Variants in POLR2J observed in about 807,000 individuals in gnomAD.
POLR2J encodes DNA-directed RNA polymerase II subunit RPB11-a.
POLR2J carries 12 observed loss-of-function variants against 13.4 expected under a neutral mutation model. That is an observed-to-expected ratio of 0.90 (90% CI 0.57 to 1.45). The LOEUF (loss-of-function observed/expected upper bound fraction) is 1.45. Ranked by LOEUF, POLR2J falls within the 40% of genes most tolerant of loss-of-function variation. The probability of loss-of-function intolerance (pLI) is 0.00; values close to 1 mark genes in which losing one functional copy is unlikely to be tolerated. For synonymous variants in POLR2J, 31 were observed against 53.6 expected, an observed-to-expected ratio of 0.58 and a Z score of 1.84; for missense variants, 58 against 132.0, an observed-to-expected ratio of 0.44 and a Z score of 2.75.
At position 102,473,712 on chromosome 7, in the gene POLR2J, G is replaced by C. The variant is rs377030778; in HGVS notation, c.319-28C>G. ...GGGAGAGAAGAAGGTGGTGGAGACT[G>C]AGCTGGAACAGCTGGGGCAAGGACG... On this transcript the variant is annotated intron_variant, in intron 3 of 3. Coordinates refer to ENST00000292614, the MANE Select transcript of POLR2J (RefSeq NM_006234.6). The C allele has an allele frequency of 4.3e-6, 7 of 1,613,504 alleles. No individual in the cohort carries two copies. In the African/African-American group the frequency reaches 8.0e-5, roughly 18 times the overall value.
Position 102,473,205 on chromosome 7 carries a change from G to A in POLR2J, c.*444C>T. 2.2e-6 allele frequency: 2 copies of A among 893,212 alleles called. No individual in the cohort carries two copies. Among genetic ancestry groups the A allele is most frequent in the South Asian group, 3.6e-5 (2 of 55,600 alleles). The allele number at this position is 893,212 out of a possible 1,614,324, so 55.3% of individuals were successfully genotyped here. ...GGTGTTTCGAGTTATGCAGGAAGAA[G>A]TGTTCCTGCTTTGACTGACAGGCAG... On this transcript the variant is annotated 3_prime_UTR_variant, in exon 4 of 4. Coordinates refer to ENST00000292614, the MANE Select transcript of POLR2J (RefSeq NM_006234.6).
At chr7:102,473,931 C>T in intron 3 of POLR2J, 6 of 1,434,766 alleles carry the variant, frequency 4.2e-6, no homozygotes, top group Non-Finnish European at 5.5e-6. Context: ...ACGTTGAAAT[C>T]CCCCAAGCTG....
At chr7:102,475,235 C>A (rs1363923929) in intron 2 of POLR2J, among the ~76,000 whole-genome samples, 1 of 152,272 alleles carries the variant, frequency 6.6e-6, no homozygotes, top group Non-Finnish European at 1.5e-5. Flanking sequence ...GCAGACCCCA[C>A]TCACAGACGG....
rs1380707356 is a variant in POLR2J at position 102,475,785 on chromosome 7, C to T, written c.143+396G>A. 3.0e-4 allele frequency among the ~76,000 whole-genome samples: 45 copies of T among 147,560 alleles called. No individual in the cohort carries two copies. The East Asian group carries it at 3.3e-3, about 11-fold the overall frequency. On this transcript the variant is annotated intron_variant, in intron 2 of 3. Coordinates refer to ENST00000292614, the MANE Select transcript of POLR2J (RefSeq NM_006234.6). ...AAAAACACAAAAATTAGCCGGGCAT[C>T]GTGGCGTGGGCCTGTAGTCCCAGCT...
At chr7:102,474,155 C>G (rs1332616246) in intron 3 of POLR2J, 1 of 1,531,708 alleles carries the variant, frequency 6.5e-7, no homozygotes, top group Non-Finnish European at 8.8e-7. Context: ...CTACAGAAGT[C>G]CCATGGGGCA....
Position 102,473,129 on chromosome 7 carries a change from T to G in POLR2J, c.*520A>C. 7.0e-7 allele frequency: 1 copy of G among 1,430,698 alleles called. No individual in the cohort carries two copies. The allele number at this position is 1,430,698 out of a possible 1,614,324, so 88.6% of individuals were successfully genotyped here. ...GGCCGATGGGGGTGGGGGGGGGTCT[T>G]TCAGTGAATATTTTTATTAAACTCT... is the stretch of plus-strand genomic sequence containing the variant. On this transcript the variant is annotated 3_prime_UTR_variant, in exon 4 of 4. Transcript: ENST00000292614.
At chr7:102,475,133 GCAGCAGGGCCC>G (rs1345340912) in intron 2 of POLR2J, among the ~76,000 whole-genome samples, 3 of 152,238 alleles carry the variant, frequency 2.0e-5, no homozygotes, top group Non-Finnish European at 4.4e-5. Context: ...GAGCAGGGGA[GCAGCAGGGCCC>G]CAGGAGAGCT....
At position 102,473,874 on chromosome 7, in the gene POLR2J, G is replaced by A. The variant is rs1008217171; in HGVS notation, c.319-190C>T. The stretch of plus-strand genomic sequence containing the variant: ...CCAGCCATTCTCTATGGCAGCCCCG[G>A]CAGGAGTCAGAGGCCCCAGAGGCTT... On this transcript the variant is annotated intron_variant, in intron 3 of 3. Transcript: ENST00000292614. 3.5e-6 allele frequency: 5 copies of A among 1,441,792 alleles called. No homozygotes were observed. In the Admixed American group the frequency reaches 1.1e-4, roughly 32 times the overall value. 89.3% of individuals were successfully genotyped at this position (1,441,792 alleles called of 1,614,324 possible).
chr7:102,474,294 T>C, intron 3 of POLR2J, 67 bp downstream of exon 3: 1 of 1,610,794 alleles, frequency 6.2e-7, no homozygotes, highest in Non-Finnish European at 8.5e-7. Flanking sequence ...GCCAGGGCTG[T>C]CCCAGGCCTG....
In POLR2J at chr7:102,473,577, T is replaced by A; in HGVS notation, c.*72A>T. 6.7e-7 allele frequency: 1 copy of A among 1,496,168 alleles called. No individual in the cohort carries two copies. The highest frequency in any genetic ancestry group is 8.8e-7 in the Non-Finnish European group (1 of 1,132,422). 92.7% of individuals were successfully genotyped at this position (1,496,168 alleles called of 1,614,324 possible). A position where few individuals can be genotyped will look rare whatever the true frequency, so the allele number is the denominator to read the frequency against. ...CTGGGACCGGCCGCTCTCCTCGGTGTGGTACCTGGAGCGGAGGGTCAGGCA... is the reference window on the plus strand; with the variant it reads ...CTGGGACCGGCCGCTCTCCTCGGTGAGGTACCTGGAGCGGAGGGTCAGGCA... On this transcript the variant is annotated 3_prime_UTR_variant, in exon 4 of 4. Transcript: ENST00000292614.
intron 2 of POLR2J, 57 bp from the exon 3 acceptor site, chr7:102,474,592 G>C (rs1246718248): frequency 1.4e-6 from 2 of 1,387,188 alleles, no homozygotes; most frequent in African/African-American, 2.9e-5. Context: ...CTGGGTAGCA[G>C]CCAGCTCAGA....
chr7:102,474,376 C>G lies in POLR2J; in HGVS notation c.303G>C (p.Leu101=), dbSNP rs775543168. ...ITDLISELSL[L]EERFRVAIKD... is the part of the protein sequence containing the mutation. ...CCGCCCTCACCCGAAAGCGCTCCTC[C>G]AGCAGGGACAGCTCACTGATGAGGT... The change falls in exon 3 of 4, where the codon CTG becomes CTC. Residue 101 remains leucine (L), a synonymous_variant. Transcript: ENST00000292614. 2.7e-5 allele frequency: 43 copies of G among 1,611,790 alleles called. No homozygotes were observed. The highest frequency in any genetic ancestry group is 3.2e-5 in the Non-Finnish European group (38 of 1,179,672).
intron 1 of POLR2J, among the ~76,000 whole-genome samples, chr7:102,476,497 G>C (rs1188664539): frequency 6.7e-6 from 1 of 150,154 alleles, no homozygotes; most frequent in Non-Finnish European, 1.5e-5. Context: ...AAAATTAGCT[G>C]AGTGTGGTGA....
intron 2 of POLR2J, among the ~76,000 whole-genome samples, chr7:102,475,467 C>A (rs1234442991): frequency 2.0e-5 from 3 of 152,320 alleles, no homozygotes; most frequent in Admixed American, 2.0e-4. Context: ...AAGTTCTAGT[C>A]TCTGCCACAT....
intron 3 of POLR2J, 76 bp from the exon 4 acceptor site, chr7:102,473,760 C>G (rs541100454): frequency 5.1e-6 from 8 of 1,573,436 alleles, no homozygotes; most frequent in East Asian, 2.3e-5. Context: ...GCCCAGCATC[C>G]CCCCCGCCAG....
At position 102,473,465 on chromosome 7, in the gene POLR2J, G is replaced by T; in HGVS notation, c.*184C>A. 1.3e-6 allele frequency: 1 copy of T among 780,372 alleles called. No individual in the cohort carries two copies. The highest frequency in any genetic ancestry group is 1.8e-6 in the Non-Finnish European group (1 of 549,444). The allele number at this position is 780,372 out of a possible 1,614,324, so 48.3% of individuals were successfully genotyped here. A position where few individuals can be genotyped will look rare whatever the true frequency, so the allele number is the denominator to read the frequency against. ...TCAAGTCCACATCCAGGTCTCTCCC[G>T]CTATACTTTATTAGGAATATAAAAC... is the stretch of plus-strand genomic sequence containing the variant. On this transcript the variant is annotated 3_prime_UTR_variant, in exon 4 of 4. Transcript: ENST00000292614.
In POLR2J at chr7:102,473,441, C is replaced by CAAG. The variant is rs754346519; in HGVS notation, c.*205_*207dup. 4.9e-5 allele frequency: 35 copies of CAAG among 719,192 alleles called. No homozygotes were observed. Among genetic ancestry groups the CAAG allele is most frequent in the Non-Finnish European group, 6.9e-5 (32 of 462,966 alleles). 44.6% of individuals were successfully genotyped at this position (719,192 alleles called of 1,614,324 possible). ...ATTTGCTTGCGAAGTCACCGCTGCT[C>CAAG]AAGTCCACATCCAGGTCTCTCCCGC... On this transcript the variant is annotated 3_prime_UTR_variant, in exon 4 of 4. Coordinates refer to ENST00000292614, the MANE Select transcript of POLR2J (RefSeq NM_006234.6).
chr7:102,474,228 G>T, intron 3 of POLR2J, 133 bp downstream of exon 3: 1 of 1,574,606 alleles, frequency 6.4e-7, no homozygotes, highest in Non-Finnish European at 8.6e-7. Flanking sequence ...GCCTGTGGTG[G>T]AAGTCCCTGC....
chr7:102,473,653 T>G lies in POLR2J; in HGVS notation c.350A>C (p.Glu117Ala), dbSNP rs762323335. 3 of 1,607,794 alleles carry G rather than the reference T, an allele frequency of 1.9e-6. No individual in the cohort carries two copies. Among genetic ancestry groups the G allele is most frequent in the Non-Finnish European group, 2.5e-6 (3 of 1,178,290 alleles). The change falls in exon 4 of 4, where the codon GAG becomes GCG. Residue 117 changes from glutamate (E) to alanine (A), a missense_variant. Glu to Ala is a moderately radical substitution (Grantham distance 107). Coordinates refer to ENST00000292614, the MANE Select transcript of POLR2J (RefSeq NM_006234.6). ...GAGCAGAGCCCCCTCTGGCCCCTACTCAATTCCTTCCTGCTTGTCTTTTAT... is the reference window on the plus strand; with the variant it reads ...GAGCAGAGCCCCCTCTGGCCCCTACGCAATTCCTTCCTGCTTGTCTTTTAT... ...VAIKDKQEGI[E>A]
Sources: gnomAD v4.1 joint callset for allele counts (sites outside exome capture counted in the v4.1 genomes callset) on GRCh38, gnomAD v4.1.1 for gene constraint, MANE v1.5 for transcripts, NCBI Gene and HGNC (gene_info 2026-07-23, HGNC 2026-07-21) for gene names.